DPP10: variants seen among roughly 807,000 people sequenced by gnomAD.
The protein encoded by DPP10 is dipeptidyl peptidase like 10.
DPP10 carries 33 observed loss-of-function variants against 120.9 expected under a neutral mutation model. That is an observed-to-expected ratio of 0.27 (90% CI 0.21 to 0.37). The LOEUF is 0.37. Among genes scored for constraint, DPP10 ranks in the 10% least tolerant of loss-of-function variants. The pLI, the probability that DPP10 is intolerant of heterozygous loss-of-function variation, is 1.00. For synonymous variants in DPP10, 337 were observed against 326.1 expected (o/e 1.03, Z -0.36); for missense variants, 816 against 942.8 (o/e 0.87, Z 1.76).
intron 5 of DPP10, among the ~76,000 whole-genome samples, chr2:115,528,952 A>T (rs529325751): frequency 6.6e-6 from 1 of 151,938 alleles, no homozygotes; most frequent in East Asian, 1.9e-4. Flanking sequence ...ATAAATGTCA[A>T]TGTCCTTGTT....
At position 114,442,752 on chromosome 2, in the gene DPP10, A is replaced by T; in HGVS notation, c.-27A>T. On this transcript the variant is annotated 5_prime_UTR_variant, in exon 1 of 26. Coordinates refer to ENST00000410059, the MANE Select transcript of DPP10 (RefSeq NM_020868.6). ...AGTTCATTCTGGAACTCCGCCTGGG[A>T]TTGTGCACTGTCCAGGGTCCTGAAA... 1 of 1,612,890 alleles carries T rather than the reference A, an allele frequency of 6.2e-7. No individual in the cohort carries two copies. Among genetic ancestry groups the T allele is most frequent in the Non-Finnish European group, 8.5e-7 (1 of 1,179,272 alleles).
chr2:114,710,371 T>C (rs1700947838), intron 1 of DPP10, among the ~76,000 whole-genome samples: 1 of 152,246 alleles, frequency 6.6e-6, no homozygotes, highest in African/African-American at 2.4e-5. Flanking sequence ...TTAAGAGGAT[T>C]ACTATGATCT....
chr2:115,807,144 C>A (rs1054448365), intron 19 of DPP10, among the ~76,000 whole-genome samples: 4 of 152,204 alleles, frequency 2.6e-5, no homozygotes, highest in Non-Finnish European at 5.9e-5. Flanking sequence ...TACTTACTCA[C>A]TCACACTGTT....
chr2:115,161,904 CCCCGAGTCTGAAGCG>C (rs2052402161), intron 1 of DPP10: 2 of 1,430,492 alleles, frequency 1.4e-6, no homozygotes, highest in African/African-American at 3.0e-5. Flanking sequence ...AAGTGACGGT[CCCCGAGTCTGAAGCG>C]CCCGCGAGGA....
At chr2:115,534,339 C>T (rs1162486658) in intron 5 of DPP10, among the ~76,000 whole-genome samples, 4 of 151,628 alleles carry the variant, frequency 2.6e-5, no homozygotes, top group Admixed American at 2.6e-4. Context: ...CAATTCCCAC[C>T]TATGAGTGAG....
chr2:115,820,571 C>T (rs1450894627), intron 21 of DPP10, among the ~76,000 whole-genome samples: 3 of 151,960 alleles, frequency 2.0e-5, no homozygotes, highest in African/African-American at 7.3e-5. Flanking sequence ...AGTCTTTCAT[C>T]CCTTACCCAC....
chr2:114,589,999 C>T (rs1347141011), intron 1 of DPP10, among the ~76,000 whole-genome samples: 1 of 152,002 alleles, frequency 6.6e-6, no homozygotes, highest in Non-Finnish European at 1.5e-5. Context: ...TTAAAAAAAA[C>T]TTTCACTATC....
intron 21 of DPP10, among the ~76,000 whole-genome samples, chr2:115,817,680 T>G (rs201220049): frequency 5.5e-4 from 23 of 41,452 alleles, no homozygotes; most frequent in African/African-American, 8.7e-4. Context: ...TAGTTTTTTG[T>G]TTTTTTTTTT....
At chr2:114,616,467 A>C (rs1693683073) in intron 1 of DPP10, among the ~76,000 whole-genome samples, 1 of 152,040 alleles carries the variant, frequency 6.6e-6, no homozygotes. Flanking sequence ...AGAACAAAGA[A>C]ATGCTGCACA....
intron 3 of DPP10, among the ~76,000 whole-genome samples, chr2:115,469,331 T>TCA (rs1451356338): frequency 1.3e-5 from 2 of 152,200 alleles, no homozygotes; most frequent in Non-Finnish European, 2.9e-5. Context: ...TAATCTAGTT[T>TCA]CACATTGCTG....
chr2:115,213,091 A>G (rs1342277738), intron 1 of DPP10, among the ~76,000 whole-genome samples: 2 of 152,176 alleles, frequency 1.3e-5, no homozygotes, highest in African/African-American at 4.8e-5. Context: ...TGTACATTTG[A>G]AAGGATTATA....
intron 5 of DPP10, among the ~76,000 whole-genome samples, chr2:115,626,631 A>G (rs1177084820): frequency 6.6e-6 from 1 of 152,174 alleles, no homozygotes; most frequent in Non-Finnish European, 1.5e-5. Flanking sequence ...GAGTAAATGC[A>G]TTAGCATGGT....
intron 1 of DPP10, among the ~76,000 whole-genome samples, chr2:115,194,041 T>C (rs1172005648): frequency 1.3e-5 from 2 of 152,210 alleles, no homozygotes; most frequent in Non-Finnish European, 2.9e-5. Context: ...CCTCACACTT[T>C]AAGATTTTTG....
intron 1 of DPP10, among the ~76,000 whole-genome samples, chr2:115,117,987 C>T (rs2049610446): frequency 6.6e-6 from 1 of 152,170 alleles, no homozygotes; most frequent in Non-Finnish European, 1.5e-5. Flanking sequence ...TAACCACTCA[C>T]TGTAGCTTTT....
intron 1 of DPP10, among the ~76,000 whole-genome samples, chr2:115,290,214 TATAAC>T (rs1309252859): frequency 1.3e-5 from 2 of 152,074 alleles, no homozygotes. Flanking sequence ...TTTTTAAAAT[TATAAC>T]AAAAGAGTGA....
At chr2:114,875,864 T>G (rs1326176306) in intron 1 of DPP10, among the ~76,000 whole-genome samples, 1 of 152,056 alleles carries the variant, frequency 6.6e-6, no homozygotes, top group East Asian at 1.9e-4. Context: ...TAATAACAAA[T>G]AGACAAGGGC....
At chr2:114,739,218 G>A (rs75659989) in intron 1 of DPP10, among the ~76,000 whole-genome samples, 13 of 152,244 alleles carry the variant, frequency 8.5e-5, no homozygotes, top group South Asian at 4.1e-4. Flanking sequence ...AGAGATTTAC[G>A]TGCAGGGGAT....
At chr2:115,051,984 A>T (rs192874056) in intron 1 of DPP10, among the ~76,000 whole-genome samples, 1 of 152,360 alleles carries the variant, frequency 6.6e-6, no homozygotes, top group Admixed American at 6.5e-5. Flanking sequence ...AAAGCTGAGA[A>T]AATAAAATTA....
In DPP10 at chr2:115,052,816, G is replaced by A. The variant is rs982295842; in HGVS notation, c.61-256423G>A. On this transcript the variant is annotated intron_variant, in intron 1 of 25. Transcript: ENST00000410059. ...AAAATACAAAAATTAGCCGGACGCG[G>A]TGGCAGGCACCTGTAATCCCAGCTA... Among the ~76,000 whole-genome samples, 58 of 152,114 alleles carry A rather than the reference G, an allele frequency of 3.8e-4. 1 individual carries two copies. The highest frequency in any genetic ancestry group is 1.4e-3 in the African/African-American group (57 of 41,420).
Sources: allele counts gnomAD v4.1 joint callset (sites outside exome capture counted in the v4.1 genomes callset), GRCh38; gene constraint gnomAD v4.1.1; transcripts MANE v1.5; gene names NCBI Gene and HGNC (gene_info 2026-07-23, HGNC 2026-07-21).